ANKS1B: variants seen among roughly 807,000 people sequenced by gnomAD.
ANKS1B encodes the protein ankyrin repeat and sterile alpha motif domain-containing protein 1B.
Under a neutral mutation model 148.3 loss-of-function variants are expected in ANKS1B, and 36 were observed. The observed-to-expected ratio is 0.24, with a 90% CI of 0.19 to 0.32. The LOEUF (loss-of-function observed/expected upper bound fraction) is 0.32, where lower values mean the gene tolerates loss of function less well. ANKS1B is among the 10% of genes least tolerant of loss of function. The pLI, the probability that ANKS1B is intolerant of heterozygous loss-of-function variation, is 1.00. For missense variants in ANKS1B, 1,157 were observed against 1,542.6 expected, an observed-to-expected ratio of 0.75 and a Z score of 4.19; for synonymous variants, 542 against 560.8, an observed-to-expected ratio of 0.97 and a Z score of 0.47.
At chr12:99,592,068 G>T (rs988129454) in intron 9 of ANKS1B, among the ~76,000 whole-genome samples, 3 of 152,108 alleles carry the variant, frequency 2.0e-5, no homozygotes, top group Non-Finnish European at 4.4e-5. Flanking sequence ...AAGAAACTCT[G>T]TGAATAAGTA....
chr12:99,452,516 G>C (rs940228085), intron 10 of ANKS1B, among the ~76,000 whole-genome samples: 7 of 152,126 alleles, frequency 4.6e-5, no homozygotes, highest in Admixed American at 3.3e-4. Context: ...TCATTAAATA[G>C]ATAAATAAAT....
chr12:99,447,661 G>C (rs2095657568), intron 10 of ANKS1B, among the ~76,000 whole-genome samples: 1 of 151,930 alleles, frequency 6.6e-6, no homozygotes, highest in Non-Finnish European at 1.5e-5. Context: ...AGAGAGTGAA[G>C]AAACAATTTA....
chr12:98,802,171 G>T (rs944579853), intron 20 of ANKS1B, among the ~76,000 whole-genome samples: 17 of 152,168 alleles, frequency 1.1e-4, no homozygotes, highest in African/African-American at 4.1e-4. Context: ...ATAGAACTAT[G>T]AGAAATTACT....
rs57985878 is a variant in ANKS1B, at chr12:99,122,993, A to ATATATATATATATATATAT, written c.2526+31295_2526+31296insATATATATATATATATATA. Reference sequence around the variant, plus strand: ...TAGAAATAAATCAGTAAAATTAAAAAAAAAATATATATATATATATAAACA... The same window carrying ATATATATATATATATATAT: ...TAGAAATAAATCAGTAAAATTAAAAATATATATATATATATATATAAAAATATATATATATATATAAACA... On this transcript the variant is annotated intron_variant, in intron 15 of 26. Coordinates refer to ENST00000683438, the MANE Select transcript of ANKS1B (RefSeq NM_001352186.2). Among the ~76,000 whole-genome samples, 85 of 138,162 alleles carry ATATATATATATATATATAT rather than the reference A, an allele frequency of 6.2e-4. 2 individuals are homozygous for ATATATATATATATATATAT. The highest frequency in any genetic ancestry group is 3.2e-3 in the East Asian group (15 of 4,732). 90.6% of individuals were successfully genotyped at this position (138,162 alleles called of 152,430 possible). A position where few individuals can be genotyped will look rare whatever the true frequency, so the allele number is the denominator to read the frequency against.
chr12:98,906,409 G>C (rs752100488), intron 17 of ANKS1B, among the ~76,000 whole-genome samples: 2 of 152,184 alleles, frequency 1.3e-5, no homozygotes, highest in Admixed American at 1.3e-4. Flanking sequence ...AATGGAGGGC[G>C]TGTGACCGAG....
At chr12:98,967,099 C>T (rs529850068) in intron 17 of ANKS1B, among the ~76,000 whole-genome samples, 16 of 152,194 alleles carry the variant, frequency 1.1e-4, no homozygotes, top group African/African-American at 3.9e-4. Context: ...TGTGGAATCA[C>T]CACAGATGCC....
At chr12:99,241,576 C>G (rs974110028) in intron 14 of ANKS1B, among the ~76,000 whole-genome samples, 4 of 152,156 alleles carry the variant, frequency 2.6e-5, no homozygotes, top group Admixed American at 2.6e-4. Context: ...GATACCAAAG[C>G]CTGGCAGAGA....
At chr12:98,967,631 A>AGAGGGGAGGGGGGGGAAGGG (rs2099879396) in intron 17 of ANKS1B, among the ~76,000 whole-genome samples, 1 of 76,746 alleles carries the variant, frequency 1.3e-5, no homozygotes, top group Non-Finnish European at 2.2e-5. Context: ...AGAGGGTAGA[A>AGAGGGGAGGGGGGGGAAGGG]GAGGGGAGGG....
chr12:99,595,007 A>G (rs2097743842), intron 9 of ANKS1B, among the ~76,000 whole-genome samples: 1 of 152,110 alleles, frequency 6.6e-6, no homozygotes, highest in African/African-American at 2.4e-5. Context: ...CTTAAAATCT[A>G]ATCCACATTA....
intron 22 of ANKS1B, among the ~76,000 whole-genome samples, chr12:98,788,190 A>C (rs2098814667): frequency 6.6e-6 from 1 of 150,908 alleles, no homozygotes; most frequent in African/African-American, 2.4e-5. Flanking sequence ...GGATCACCTG[A>C]GGTCAGGAGT....
chr12:99,865,758 TA>T (rs1435934421), intron 1 of ANKS1B, among the ~76,000 whole-genome samples: 2 of 152,216 alleles, frequency 1.3e-5, no homozygotes, highest in Non-Finnish European at 2.9e-5. Flanking sequence ...TTATTTACAC[TA>T]AATTAGAAAA....
intron 10 of ANKS1B, among the ~76,000 whole-genome samples, chr12:99,467,474 G>T (rs1202049280): frequency 6.6e-6 from 1 of 151,958 alleles, no homozygotes; most frequent in Non-Finnish European, 1.5e-5. Flanking sequence ...AAGGGTATTC[G>T]ATTAGGAAAA....
intron 9 of ANKS1B, among the ~76,000 whole-genome samples, chr12:99,588,882 T>C (rs1348043418): frequency 6.6e-6 from 1 of 152,226 alleles, no homozygotes; most frequent in Admixed American, 6.5e-5. Context: ...ATTAAACTGA[T>C]ATATTTTTCC....
At chr12:99,124,586 T>C (rs1275784257) in intron 15 of ANKS1B, among the ~76,000 whole-genome samples, 2 of 152,146 alleles carry the variant, frequency 1.3e-5, no homozygotes, top group Admixed American at 6.5e-5. Flanking sequence ...GGGCTAAAGA[T>C]ACAACTGTAA....
chr12:99,528,192 C>A (rs543932864), intron 9 of ANKS1B, among the ~76,000 whole-genome samples: 12 of 152,036 alleles, frequency 7.9e-5, no homozygotes, highest in Admixed American at 1.3e-4. Flanking sequence ...GAAACTGGAC[C>A]CCTTCCTTAC....
intron 1 of ANKS1B, among the ~76,000 whole-genome samples, chr12:99,957,790 C>G (rs1275020383): frequency 6.6e-6 from 1 of 152,202 alleles, no homozygotes; most frequent in Non-Finnish European, 1.5e-5. Flanking sequence ...TCTCAGTCAA[C>G]AATTAGTCTC....
intron 9 of ANKS1B, among the ~76,000 whole-genome samples, chr12:99,521,754 A>G (rs1307251985): frequency 6.6e-6 from 1 of 150,532 alleles, no homozygotes; most frequent in Non-Finnish European, 1.5e-5. Flanking sequence ...CTCTCTGCTG[A>G]GCCACCTGGA....
downstream of ANKS1B, among the ~76,000 whole-genome samples, chr12:98,741,740 A>G (rs918613186): frequency 5.3e-5 from 8 of 152,170 alleles, no homozygotes; most frequent in Non-Finnish European, 1.2e-4. Flanking sequence ...GCACACTGGC[A>G]TTGTTTTTTT....
intron 12 of ANKS1B, among the ~76,000 whole-genome samples, chr12:99,298,636 G>A (rs1252993031): frequency 6.6e-6 from 1 of 152,058 alleles, no homozygotes; most frequent in African/African-American, 2.4e-5. Flanking sequence ...TATGAGGTAG[G>A]GACTTTTATT....
Sources: allele counts gnomAD v4.1 joint callset (sites outside exome capture counted in the v4.1 genomes callset), GRCh38; gene constraint gnomAD v4.1.1; transcripts MANE v1.5; gene names NCBI Gene and HGNC (gene_info 2026-07-23, HGNC 2026-07-21).